Variants in LRCH1 observed in about 807,000 individuals in gnomAD.
LRCH1 encodes leucine-rich repeat and calponin homology domain-containing protein 1.
Under a neutral mutation model 94.9 loss-of-function variants are expected in LRCH1, and 23 were observed. The observed-to-expected ratio is 0.24, with a 90% CI of 0.17 to 0.34. The LOEUF (loss-of-function observed/expected upper bound fraction) is 0.34. LRCH1 is among the 10% of genes least tolerant of loss of function. The pLI is 1.00. For synonymous variants in LRCH1, 364 were observed against 354.9 expected (o/e 1.03, Z -0.29); for missense variants, 790 against 945.9 (o/e 0.84, Z 2.16).
At chr13:46,624,067 A>G (rs2050915784) in intron 1 of LRCH1, among the ~76,000 whole-genome samples, 1 of 151,832 alleles carries the variant, frequency 6.6e-6, no homozygotes, top group African/African-American at 2.4e-5. Context: ...TATTTTTTAT[A>G]GAGATGAGGT....
chr13:46,604,827 A>C (rs1422746195), intron 1 of LRCH1, among the ~76,000 whole-genome samples: 1 of 152,248 alleles, frequency 6.6e-6, no homozygotes, highest in African/African-American at 2.4e-5. Context: ...ACAGACCATG[A>C]TGACACTGAC....
chr13:46,652,801 G>C (rs1566201749), intron 2 of LRCH1, among the ~76,000 whole-genome samples: 1 of 152,144 alleles, frequency 6.6e-6, no homozygotes, highest in Non-Finnish European at 1.5e-5. Flanking sequence ...TTGCATTGTT[G>C]TATTTAGTCC....
Position 46,705,490 on chromosome 13 carries a change from T to A in LRCH1, c.1527+186T>A, listed in dbSNP as rs200244988. 21 of 712,376 alleles carry A rather than the reference T, an allele frequency of 2.9e-5. No individual in the cohort carries two copies. The East Asian group carries it at 5.3e-4, about 18-fold the overall frequency. The allele number at this position is 712,376 out of a possible 1,614,324, so 44.1% of individuals were successfully genotyped here. A position where few individuals can be genotyped will look rare whatever the true frequency, so the allele number is the denominator to read the frequency against. On this transcript the variant is annotated intron_variant, in intron 13 of 19. Transcript: ENST00000389797. ...TGCCTCTTTAGTTCTGCTTTTCTGC[T>A]ATACCTCACCCTCTGTTGAAGATGA...
intron 1 of LRCH1, among the ~76,000 whole-genome samples, chr13:46,588,464 C>T (rs540296965): frequency 6.6e-6 from 1 of 152,234 alleles, no homozygotes; most frequent in South Asian, 2.1e-4. Flanking sequence ...TTCATCCCTT[C>T]CTCCAGCTTT....
chr13:46,687,230 A>G (rs1361988677), intron 5 of LRCH1, among the ~76,000 whole-genome samples: 3 of 152,194 alleles, frequency 2.0e-5, no homozygotes, highest in Non-Finnish European at 4.4e-5. Flanking sequence ...AAATACTGGT[A>G]TTACAGGCGT....
chr13:46,636,702 T>C (rs1263733077), intron 1 of LRCH1, among the ~76,000 whole-genome samples: 3 of 152,302 alleles, frequency 2.0e-5, no homozygotes, highest in East Asian at 3.9e-4. Flanking sequence ...CTTTGGCTGA[T>C]TTGGCCCGGC....
At chr13:46,723,406 A>G (rs1034065859) in intron 17 of LRCH1, 76 bp downstream of exon 17, 3 of 1,116,466 alleles carry the variant, frequency 2.7e-6, no homozygotes, top group African/African-American at 1.6e-5. Flanking sequence ...ACTTTGAAAC[A>G]TTGCAAGCAG....
At chr13:46,708,247 G>A (rs1341793374) in intron 13 of LRCH1, among the ~76,000 whole-genome samples, 1 of 146,640 alleles carries the variant, frequency 6.8e-6, no homozygotes, top group Non-Finnish European at 1.5e-5. Flanking sequence ...CCAGTTCATA[G>A]TTTTGTCTAG....
chr13:46,723,269 C>T lies in LRCH1; in HGVS notation c.1808C>T (p.Thr603Ile). The T allele has an allele frequency of 6.2e-7, 1 of 1,613,888 alleles. No homozygotes were observed. The highest frequency in any genetic ancestry group is 8.5e-7 in the Non-Finnish European group (1 of 1,179,814). ...RNLESIDPQF[T>I]IRRKMEQMRE... Reference sequence around the variant, plus strand: ...TTGGAATCTATAGACCCGCAGTTTACAATCCGGAGGAAAATGGAGCAGATG... The same window carrying T: ...TTGGAATCTATAGACCCGCAGTTTATAATCCGGAGGAAAATGGAGCAGATG... The change falls in exon 17 of 20, where the codon ACA becomes ATA. Residue 603 changes from threonine (T) to isoleucine (I), a missense_variant. Physicochemically the swap from Thr to Ile is moderately conservative, Grantham distance 89. Coordinates refer to ENST00000389797, the MANE Select transcript of LRCH1 (RefSeq NM_001164211.2).
intron 1 of LRCH1, among the ~76,000 whole-genome samples, chr13:46,648,719 G>A (rs2051254309): frequency 6.6e-6 from 1 of 152,058 alleles, no homozygotes; most frequent in Non-Finnish European, 1.5e-5. Context: ...GCATTTTAAA[G>A]TTTTCTTCAT....
chr13:46,692,522 C>T lies in LRCH1; in HGVS notation c.1015-14C>T. On this transcript the variant is annotated splice_polypyrimidine_tract_variant and intron_variant, in intron 7 of 19. Coordinates refer to ENST00000389797, the MANE Select transcript of LRCH1 (RefSeq NM_001164211.2). ...CACTTCTCTTGAGTTAAACAGTGCA[C>T]TGTATCTTTTTAGCCTTCTGACGAA... The T allele has an allele frequency of 6.3e-7, 1 of 1,585,436 alleles. No homozygotes were observed. The highest frequency in any genetic ancestry group is 8.7e-7 in the Non-Finnish European group (1 of 1,154,026).
intron 1 of LRCH1, among the ~76,000 whole-genome samples, chr13:46,641,052 C>G (rs1376729158): frequency 6.6e-6 from 1 of 152,080 alleles, no homozygotes; most frequent in East Asian, 1.9e-4. Context: ...ATGGGTTCTG[C>G]TTTATTGGCT....
intron 1 of LRCH1, among the ~76,000 whole-genome samples, chr13:46,596,499 G>T (rs897202216): frequency 2.0e-5 from 3 of 152,174 alleles, no homozygotes; most frequent in Non-Finnish European, 2.9e-5. Context: ...ATAGCAAATT[G>T]GAAAAATTGG....
intron 19 of LRCH1, among the ~76,000 whole-genome samples, chr13:46,736,898 T>G (rs1873413144): frequency 6.6e-6 from 1 of 152,230 alleles, no homozygotes; most frequent in African/African-American, 2.4e-5. Context: ...TGTAATAGAA[T>G]CACAGTTTGA....
chr13:46,715,957 A>G (rs1338290895), intron 16 of LRCH1, among the ~76,000 whole-genome samples: 2 of 151,798 alleles, frequency 1.3e-5, no homozygotes, highest in African/African-American at 4.8e-5. Flanking sequence ...CTTGTTTACA[A>G]ATATTTGGGG....
intron 1 of LRCH1, among the ~76,000 whole-genome samples, chr13:46,563,888 C>T (rs2050154615): frequency 6.6e-6 from 1 of 152,074 alleles, no homozygotes; most frequent in South Asian, 2.1e-4. Context: ...CTCCCAGGCT[C>T]ACATCAAAGG....
intron 1 of LRCH1, among the ~76,000 whole-genome samples, chr13:46,589,540 T>C (rs1046854658): frequency 6.6e-6 from 1 of 152,048 alleles, no homozygotes; most frequent in Non-Finnish European, 1.5e-5. Context: ...GCAATTCATA[T>C]TGTAGTCCTA....
At chr13:46,630,533 C>A (rs1000175117) in intron 1 of LRCH1, among the ~76,000 whole-genome samples, 2 of 152,080 alleles carry the variant, frequency 1.3e-5, no homozygotes, top group Non-Finnish European at 2.9e-5. Flanking sequence ...TCCAAGATAC[C>A]TTTACTTTTT....
intron 1 of LRCH1, among the ~76,000 whole-genome samples, chr13:46,620,512 C>T (rs1157071175): frequency 1.3e-5 from 2 of 151,788 alleles, no homozygotes; most frequent in Admixed American, 6.6e-5. Context: ...CTGTAGTATT[C>T]TCCACTAGAA....
Sources: allele counts gnomAD v4.1 joint callset (sites outside exome capture counted in the v4.1 genomes callset), GRCh38; gene constraint gnomAD v4.1.1; transcripts MANE v1.5; gene names NCBI Gene and HGNC (gene_info 2026-07-23, HGNC 2026-07-21).